The following BAALC variants were observed in gnomAD, a reference collection of about 807,000 sequenced individuals.
The protein encoded by BAALC is BAALC binder of MAP3K1 and KLF4, also known as brain and acute leukemia cytoplasmic protein.
A neutral mutation model predicts 15.5 loss-of-function variants in BAALC; 9 were observed. The observed-to-expected ratio is 0.58, with a 90% CI of 0.35 to 1.02. BAALC has a LOEUF of 1.02. Among genes scored for constraint, BAALC ranks in the 50% least tolerant of loss-of-function variants. The probability of loss-of-function intolerance (pLI) is 0.02; values close to 1 mark genes in which losing one functional copy is unlikely to be tolerated. For missense variants in BAALC, 201 were observed against 192.4 expected, an observed-to-expected ratio of 1.04 and a Z score of -0.27; for synonymous variants, 80 against 74.6, an observed-to-expected ratio of 1.07 and a Z score of -0.37.
intron 1 of BAALC, among the ~76,000 whole-genome samples, chr8:103,145,874 T>C (rs1810868318): frequency 6.6e-6 from 1 of 152,236 alleles, no homozygotes; most frequent in African/African-American, 2.4e-5. Context: ...AAGGAATTTT[T>C]GCATTTATTT....
intron 1 of BAALC, among the ~76,000 whole-genome samples, chr8:103,201,627 G>A (rs577570477): frequency 6.6e-6 from 1 of 152,290 alleles, no homozygotes; most frequent in East Asian, 1.9e-4. Context: ...TTCAGTCTTT[G>A]TCATCTATGC....
chr8:103,213,383 G>A (rs978577112), intron 2 of BAALC: 8 of 244,108 alleles, frequency 3.3e-5, no homozygotes, highest in South Asian at 1.1e-4. Flanking sequence ...CTGGTTAGAG[G>A]AACCAGTCTT....
intron 1 of BAALC, chr8:103,208,053 GCTT>G (rs1812369350): frequency 6.6e-6 from 1 of 152,262 alleles, no homozygotes; most frequent in Admixed American, 6.5e-5. Context: ...TTGTCACAGA[GCTT>G]CTCTGTTTCA....
chr8:103,156,930 G>A (rs953560963), intron 1 of BAALC: 3 of 152,358 alleles, frequency 2.0e-5, no homozygotes, highest in Middle Eastern at 3.4e-3. Context: ...TACTAAAATC[G>A]TTAACACGGG....
intron 1 of BAALC, among the ~76,000 whole-genome samples, chr8:103,209,712 C>A (rs993666249): frequency 6.6e-6 from 1 of 152,190 alleles, no homozygotes; most frequent in South Asian, 2.1e-4. Flanking sequence ...ACTCACCCCA[C>A]TTGTGACTCA....
chr8:103,180,814 C>A (rs1811710138), intron 1 of BAALC, among the ~76,000 whole-genome samples: 1 of 152,132 alleles, frequency 6.6e-6, no homozygotes, highest in Non-Finnish European at 1.5e-5. Context: ...GAAAATGAAC[C>A]AAGACAAAAT....
At chr8:103,141,117 G>C (rs994606159) in intron 1 of BAALC, 60 bp downstream of exon 1, 29 of 1,380,114 alleles carry the variant, frequency 2.1e-5, no homozygotes, top group Non-Finnish European at 2.7e-5. Context: ...CCTTGGCCCG[G>C]GCACTGAGAG....
chr8:103,206,589 G>A (rs566596238), intron 1 of BAALC, among the ~76,000 whole-genome samples: 3 of 152,170 alleles, frequency 2.0e-5, no homozygotes, highest in African/African-American at 4.8e-5. Flanking sequence ...TGTGCATTCA[G>A]GTCAGTCGTC....
At chr8:103,194,501 G>C (rs1201059769) in intron 1 of BAALC, among the ~76,000 whole-genome samples, 1 of 152,224 alleles carries the variant, frequency 6.6e-6, no homozygotes, top group Non-Finnish European at 1.5e-5. Context: ...AAGATTGGGA[G>C]AGCTGAGTAA....
intron 1 of BAALC, among the ~76,000 whole-genome samples, chr8:103,197,001 T>C (rs1291127400): frequency 6.6e-6 from 1 of 152,220 alleles, no homozygotes; most frequent in Non-Finnish European, 1.5e-5. Context: ...CACTTCAGTG[T>C]GACCTACTTA....
chr8:103,221,284 G>A (rs1812673329), intron 2 of BAALC, among the ~76,000 whole-genome samples: 1 of 152,094 alleles, frequency 6.6e-6, no homozygotes, highest in South Asian at 2.1e-4. Context: ...ATTAAAATGA[G>A]GTAAGGAAAG....
chr8:103,186,114 C>T (rs1473719555), intron 1 of BAALC, among the ~76,000 whole-genome samples: 6 of 152,322 alleles, frequency 3.9e-5, no homozygotes, highest in East Asian at 3.9e-4. Context: ...CAGCCTCATT[C>T]ATCTGTGAGT....
intron 2 of BAALC, among the ~76,000 whole-genome samples, chr8:103,217,696 C>T (rs994858239): frequency 1.1e-4 from 16 of 152,158 alleles, no homozygotes; most frequent in African/African-American, 3.6e-4. Context: ...AAGCATGTGT[C>T]CTCATCCACA....
intron 1 of BAALC, among the ~76,000 whole-genome samples, chr8:103,144,789 T>A (rs939936758): frequency 6.6e-6 from 1 of 152,200 alleles, no homozygotes; most frequent in Non-Finnish European, 1.5e-5. Context: ...GCAAAATGAT[T>A]TACCTAAATA....
intron 1 of BAALC, among the ~76,000 whole-genome samples, chr8:103,142,135 T>G (rs943649846): frequency 1.3e-5 from 2 of 152,262 alleles, no homozygotes; most frequent in African/African-American, 2.4e-5. Flanking sequence ...ATTTGAAGCA[T>G]AATGTATAAC....
chr8:103,215,763 A>G lies in BAALC; in HGVS notation c.327+2678A>G, dbSNP rs181639261. Reference sequence around the variant, plus strand: ...CAAATGGACAAGCCCAACTTTAAGCAGGGAAACATACTCCGTCCAAAGTGG... The same window carrying G: ...CAAATGGACAAGCCCAACTTTAAGCGGGGAAACATACTCCGTCCAAAGTGG... On this transcript the variant is annotated intron_variant, in intron 2 of 2. Transcript: ENST00000309982. 1.4e-4 allele frequency among the ~76,000 whole-genome samples: 22 copies of G among 152,348 alleles called. 1 individual carries two copies. Among genetic ancestry groups the G allele is most frequent in the Admixed American group, 1.0e-3 (16 of 15,312 alleles).
intron 1 of BAALC, among the ~76,000 whole-genome samples, chr8:103,161,693 T>C (rs1024537146): frequency 2.0e-5 from 3 of 152,202 alleles, no homozygotes; most frequent in African/African-American, 7.2e-5. Context: ...TGCTAGATAT[T>C]GCCAAATTTT....
intron 1 of BAALC, among the ~76,000 whole-genome samples, chr8:103,158,301 T>C (rs1586381029): frequency 6.6e-6 from 1 of 150,892 alleles, no homozygotes; most frequent in Non-Finnish European, 1.5e-5. Flanking sequence ...TTGCGCAACA[T>C]GGTGACTAGC....
chr8:103,200,481 A>T (rs1222317242), intron 1 of BAALC, among the ~76,000 whole-genome samples: 1 of 152,198 alleles, frequency 6.6e-6, no homozygotes, highest in Non-Finnish European at 1.5e-5. Flanking sequence ...GTCAAGGAGT[A>T]AAAAACAAAC....
Sources: gnomAD v4.1 joint callset for allele counts (sites outside exome capture counted in the v4.1 genomes callset) on GRCh38, gnomAD v4.1.1 for gene constraint, MANE v1.5 for transcripts, NCBI Gene and HGNC (gene_info 2026-07-23, HGNC 2026-07-21) for gene names.